Variants in PRUNE2 observed in about 807,000 individuals in gnomAD.
The protein encoded by PRUNE2 is prune homolog 2 with BCH domain.
PRUNE2 carries 164 observed loss-of-function variants against 252.0 expected under a neutral mutation model. The observed-to-expected ratio is 0.65, with a 90% CI of 0.57 to 0.74. The LOEUF (loss-of-function observed/expected upper bound fraction) is 0.74. PRUNE2 is among the 30% of genes least tolerant of loss of function. PRUNE2 has a pLI of 0.00. For missense variants in PRUNE2, 3,495 were observed against 3,711.0 expected (o/e 0.94, Z 1.51); for synonymous variants, 1,292 against 1,350.2 (o/e 0.96, Z 0.94).
In PRUNE2 at chr9:76,705,589, C is replaced by T; in HGVS notation, c.6685G>A (p.Glu2229Lys). 6.2e-7 allele frequency: 1 copy of T among 1,614,044 alleles called. No individual in the cohort carries two copies. Among genetic ancestry groups the T allele is most frequent in the Non-Finnish European group, 8.5e-7 (1 of 1,179,898 alleles). The change falls in exon 8 of 19, where the codon GAA becomes AAA. Residue 2229 changes from glutamate to lysine, a missense_variant. Physicochemically the swap from Glu to Lys is moderately conservative, Grantham distance 56. Coordinates refer to ENST00000376718, the MANE Select transcript of PRUNE2 (RefSeq NM_015225.3). The stretch of plus-strand genomic sequence containing the variant: ...ACAAAAATGCTAGTTGCCACATTTT[C>T]AATCCTTGGGATTCTTCTGTCAACT... ...EPVDRRIPRI[E>K]NVATSIFVTH...
chr9:76,616,447 A>G (rs1829737066), intron 18 of PRUNE2, among the ~76,000 whole-genome samples: 1 of 152,228 alleles, frequency 6.6e-6, no homozygotes, highest in African/African-American at 2.4e-5. Context: ...TTTGGGGCAC[A>G]TCGTCTAAAA....
At chr9:76,867,212 G>A (rs975072464) in intron 1 of PRUNE2, among the ~76,000 whole-genome samples, 5 of 29,306 alleles carry the variant, frequency 1.7e-4, no homozygotes, top group Non-Finnish European at 2.4e-4. Flanking sequence ...CCCCGCCCCC[G>A]CCCCCGCCAG....
At chr9:76,795,501 T>C (rs1040882889) in intron 6 of PRUNE2, among the ~76,000 whole-genome samples, 5 of 152,166 alleles carry the variant, frequency 3.3e-5, no homozygotes, top group Admixed American at 1.3e-4. Context: ...ACAATTCAAC[T>C]TGTCTTGGTT....
In PRUNE2 at chr9:76,706,011, T is replaced by A. The variant is rs760468009; in HGVS notation, c.6263A>T (p.Asp2088Val). The A allele has an allele frequency of 1.9e-6, 3 of 1,614,026 alleles. No individual in the cohort carries two copies. The South Asian group carries it at 3.3e-5, about 18-fold the overall frequency. Residue 2088 changes from aspartate (D) to valine (V), a missense_variant, in exon 8 of 19, where the codon GAT becomes GTT. Asp to Val is a radical substitution (Grantham distance 152, BLOSUM62 -3). Coordinates refer to ENST00000376718, the MANE Select transcript of PRUNE2 (RefSeq NM_015225.3). ...GTCATGTTCGCAGTGCGTCAGGATATCAGGATTCTCACCATCTGCTTTCAA... is the reference window on the plus strand; with the variant it reads ...GTCATGTTCGCAGTGCGTCAGGATAACAGGATTCTCACCATCTGCTTTCAA... The part of the protein sequence containing the change: ...FSLKADGENP[D>V]ILTHCEHDSN...
At position 76,711,131 on chromosome 9, in the gene PRUNE2, C is replaced by T. The variant is rs757403934; in HGVS notation, c.1143G>A (p.Gly381=). The T allele has an allele frequency of 3.7e-6, 6 of 1,613,906 alleles. No individual in the cohort carries two copies. The East Asian group carries it at 1.1e-4, about 30-fold the overall frequency. The change falls in exon 8 of 19, where the codon GGG becomes GGA. Residue 381 remains glycine (G), a synonymous_variant. Transcript: ENST00000376718. ...AVAGSAPLSQ[G]SSGIMELYGS... Reference sequence around the variant, plus strand: ...CATACAATTCCATAATCCCAGAAGACCCCTGGGAGAGGGGGGCACTGCCTG... The same window carrying T: ...CATACAATTCCATAATCCCAGAAGATCCCTGGGAGAGGGGGGCACTGCCTG...
intron 1 of PRUNE2, among the ~76,000 whole-genome samples, chr9:76,870,077 CTTT>C (rs2061096751): frequency 6.6e-6 from 1 of 152,082 alleles, no homozygotes; most frequent in Non-Finnish European, 1.5e-5. Flanking sequence ...TGTTGCTTTA[CTTT>C]TTTATTGGAC....
chr9:76,700,484 C>T (rs620321), intron 9 of PRUNE2, among the ~76,000 whole-genome samples: 109,933 of 152,022 alleles, frequency 0.72, 40,461 homozygotes, highest in East Asian at 0.94. Flanking sequence ...AGTATTCATC[C>T]CAGTTCACTC....
chr9:76,752,289 G>A (rs555886749), intron 6 of PRUNE2, among the ~76,000 whole-genome samples: 3 of 152,172 alleles, frequency 2.0e-5, no homozygotes, highest in African/African-American at 7.2e-5. Context: ...AGTAGAGACG[G>A]GGTTTCACCG....
At chr9:76,832,324 C>G (rs924886866) in intron 4 of PRUNE2, among the ~76,000 whole-genome samples, 1 of 151,982 alleles carries the variant, frequency 6.6e-6, no homozygotes, top group Non-Finnish European at 1.5e-5. Context: ...TTTTCTAGTA[C>G]AAATGAAACA....
chr9:76,720,618 T>A (rs1308375850), intron 6 of PRUNE2, among the ~76,000 whole-genome samples: 3 of 150,344 alleles, frequency 2.0e-5, no homozygotes, highest in Non-Finnish European at 4.4e-5. Flanking sequence ...TATTATTTTT[T>A]AGGTTATTCT....
At chr9:76,677,569 A>G (rs1428687518) in intron 9 of PRUNE2, among the ~76,000 whole-genome samples, 1 of 152,248 alleles carries the variant, frequency 6.6e-6, no homozygotes, top group Non-Finnish European at 1.5e-5. Flanking sequence ...CATTTGCTGA[A>G]TAAACAGAAG....
intron 6 of PRUNE2, chr9:76,788,263 T>C: frequency 1.7e-6 from 1 of 572,542 alleles, no homozygotes; most frequent in Non-Finnish European, 3.1e-6. Context: ...AACCATCAGA[T>C]GTTAACTCAC....
chr9:76,862,341 C>A (rs955165968), intron 1 of PRUNE2: 1 of 152,278 alleles, frequency 6.6e-6, no homozygotes, highest in African/African-American at 2.4e-5. Flanking sequence ...ATCGCTTGAA[C>A]CCAGGAGGCA....
intron 1 of PRUNE2, among the ~76,000 whole-genome samples, chr9:76,866,394 A>G (rs2060839555): frequency 6.6e-6 from 1 of 152,242 alleles, no homozygotes; most frequent in Admixed American, 6.5e-5. Context: ...TTTCTAACAA[A>G]TTCCAAAACT....
rs776783840 is a variant in PRUNE2 at position 76,711,208 on chromosome 9, T to A, written c.1066A>T (p.Arg356Trp). Residue 356 changes from arginine (R) to tryptophan (W), a missense_variant, in exon 8 of 19, where the codon AGG (arginine) becomes TGG (tryptophan). Physicochemically the swap from Arg to Trp is moderately radical, Grantham distance 101 (BLOSUM62 -3). Transcript: ENST00000376718. ...CTATTGGAGACCATCTCTGGACACCTCCTGTTGATGACTTCCTTGACAACG... is the reference window on the plus strand; with the variant it reads ...CTATTGGAGACCATCTCTGGACACCACCTGTTGATGACTTCCTTGACAACG... ...VLVVKEVINR[R>W]CPEMVSNSRT... is the part of the protein sequence containing the mutation. The A allele has an allele frequency of 3.5e-5, 57 of 1,613,826 alleles. No individual in the cohort carries two copies. Among genetic ancestry groups the A allele is most frequent in the Non-Finnish European group, 4.7e-5 (55 of 1,179,888 alleles).
chr9:76,755,359 C>T (rs1026750901), intron 6 of PRUNE2, among the ~76,000 whole-genome samples: 16 of 151,758 alleles, frequency 1.1e-4, no homozygotes, highest in African/African-American at 7.3e-5. Flanking sequence ...AAAGATAAAC[C>T]GATGGAGAGA....
chr9:76,893,067 T>C (rs997815927), intron 1 of PRUNE2, among the ~76,000 whole-genome samples: 1 of 152,102 alleles, frequency 6.6e-6, no homozygotes, highest in Admixed American at 6.5e-5. Flanking sequence ...TAATGAGACC[T>C]TGTCTCTACA....
chr9:76,644,635 G>A (rs754882321), intron 12 of PRUNE2, 104 bp downstream of exon 12: 2 of 1,028,094 alleles, frequency 1.9e-6, no homozygotes, highest in South Asian at 2.6e-5. Context: ...CTAGAATAGG[G>A]TCTTTGAGAT....
chr9:76,794,592 C>T (rs760276835), intron 6 of PRUNE2, among the ~76,000 whole-genome samples: 14 of 133,180 alleles, frequency 1.1e-4, no homozygotes, highest in Non-Finnish European at 1.8e-4. Flanking sequence ...TCCAGCCTGG[C>T]GACAAAGAGA....
Sources: gnomAD v4.1 joint callset for allele counts (sites outside exome capture counted in the v4.1 genomes callset) on GRCh38, gnomAD v4.1.1 for gene constraint, MANE v1.5 for transcripts, NCBI Gene and HGNC (gene_info 2026-07-23, HGNC 2026-07-21) for gene names.